Variants in TOR3A observed in about 807,000 individuals in gnomAD.
TOR3A encodes the protein torsin-3A.
TOR3A carries 44 observed loss-of-function variants against 42.1 expected under a neutral mutation model. The observed-to-expected ratio is 1.04, with a 90% CI of 0.82 to 1.34. The LOEUF (loss-of-function observed/expected upper bound fraction) is 1.34. TOR3A is among the 40% of genes most tolerant of loss of function. TOR3A has a pLI of 0.00. For synonymous variants in TOR3A, 227 were observed against 213.2 expected (o/e 1.06, Z -0.57); for missense variants, 521 against 507.6 (o/e 1.03, Z -0.25).
intron 4 of TOR3A, among the ~76,000 whole-genome samples, chr1:179,089,069 G>A (rs898130824): frequency 6.6e-6 from 1 of 152,174 alleles, no homozygotes; most frequent in Admixed American, 6.5e-5. Flanking sequence ...GTGGAGGGGT[G>A]AAGGGTTGAG....
chr1:179,085,079 AAGGGTGATTCC>A (rs1439438367), intron 2 of TOR3A, among the ~76,000 whole-genome samples: 1 of 152,162 alleles, frequency 6.6e-6, no homozygotes, highest in African/African-American at 2.4e-5. Flanking sequence ...GATCTTTAGG[AAGGGTGATTCC>A]ACTCTCCCTG....
rs1652334481 is a variant in TOR3A at position 179,082,951 on chromosome 1, C to T, written c.271C>T (p.Pro91Ser). The T allele has an allele frequency of 1.3e-6, 2 of 1,573,988 alleles. No individual in the cohort carries two copies. Among genetic ancestry groups the T allele is most frequent in the African/African-American group, 1.4e-5 (1 of 73,880 alleles). The change falls in exon 2 of 6, where the codon CCT (proline) becomes TCT (serine). Residue 91 changes from proline (P) to serine (S), a missense_variant. Pro to Ser is a moderately conservative substitution (Grantham distance 74, BLOSUM62 -1). Coordinates refer to ENST00000367627, the MANE Select transcript of TOR3A (RefSeq NM_022371.4). ...TCCTCCTTTTCCAGGCTGGCGCCTT[C>T]CTCTGTTGGGCCAGCGGTACCTGGA... ...AATGPLGWRL[P>S]LLGQRYLDLL... is the part of the protein sequence containing the mutation.
rs1389338396 is a variant in TOR3A at position 179,095,277 on chromosome 1, G to A, written c.*59G>A. ...TTCCACTAACAGGACCCTGGGACCT[G>A]TAGGAGCACCCCGTTTGGGACTGTG... On this transcript the variant is annotated 3_prime_UTR_variant, in exon 6 of 6. Coordinates refer to ENST00000367627, the MANE Select transcript of TOR3A (RefSeq NM_022371.4). 2.5e-6 allele frequency: 4 copies of A among 1,602,488 alleles called. No homozygotes were observed. In the African/African-American group the frequency reaches 5.4e-5, roughly 21 times the overall value.
At chr1:179,094,450 G>A (rs541898167) in intron 5 of TOR3A, among the ~76,000 whole-genome samples, 16 of 152,322 alleles carry the variant, frequency 1.1e-4, no homozygotes, top group South Asian at 1.0e-3. Context: ...AAGAACAGGC[G>A]CAGTGGTCTC....
rs1014490243 is a variant in TOR3A, at chr1:179,095,935, G to A, written c.*717G>A. ...GGGGGACCTTTTCAAAGACAATAGG[G>A]GGTCTTGACATGTTTGTTGTATGTA... is the stretch of plus-strand genomic sequence containing the variant. On this transcript the variant is annotated 3_prime_UTR_variant, in exon 6 of 6. Transcript: ENST00000367627. 46 of 984,102 alleles carry A rather than the reference G, an allele frequency of 4.7e-5. No homozygotes were observed. The highest frequency in any genetic ancestry group is 5.5e-5 in the Non-Finnish European group (46 of 829,710). 61.0% of individuals were successfully genotyped at this position (984,102 alleles called of 1,614,324 possible).
intron 1 of TOR3A, chr1:179,082,657 C>T (rs1223397709): frequency 1.4e-6 from 1 of 707,476 alleles, no homozygotes; most frequent in Non-Finnish European, 2.6e-6. Flanking sequence ...CAGATTCTCT[C>T]GCACCGCCTG....
At chr1:179,086,182 G>A (rs1382176914) in intron 3 of TOR3A, among the ~76,000 whole-genome samples, 1 of 152,220 alleles carries the variant, frequency 6.6e-6, no homozygotes, top group Admixed American at 6.5e-5. Context: ...TAGAAGTAGT[G>A]AAATGTCACA....
At chr1:179,085,530 A>C in intron 2 of TOR3A, 98 bp from the exon 3 acceptor site, 2 of 1,479,154 alleles carry the variant, frequency 1.4e-6, no homozygotes, top group African/African-American at 1.4e-5. Flanking sequence ...ATTCCACCCG[A>C]GAGAGATTCA....
chr1:179,082,101 C>T lies in TOR3A; in HGVS notation c.-28C>T. The T allele has an allele frequency of 1.4e-6, 2 of 1,441,526 alleles. No individual in the cohort carries two copies. The highest frequency in any genetic ancestry group is 1.5e-5 in the South Asian group (1 of 68,856). 89.3% of individuals were successfully genotyped at this position (1,441,526 alleles called of 1,614,324 possible). On this transcript the variant is annotated 5_prime_UTR_variant, in exon 1 of 6. Transcript: ENST00000367627. ...AAGGGAGCCTGGCTAGGCCGGCAGCCGGATGGTCCCGCAGCTCGGGGCCGG... is the reference window on the plus strand; with the variant it reads ...AAGGGAGCCTGGCTAGGCCGGCAGCTGGATGGTCCCGCAGCTCGGGGCCGG...
Position 179,095,029 on chromosome 1 carries a change from C to T in TOR3A, c.1005C>T (p.Phe335=), listed in dbSNP as rs137972214. ...KENLIDYFIP[F]LPLEYRHVRL... ...ACCTGATTGACTACTTCATCCCCTTCCTGCCTTTGGAGTACCGTCACGTGA... is the reference window on the plus strand; with the variant it reads ...ACCTGATTGACTACTTCATCCCCTTTCTGCCTTTGGAGTACCGTCACGTGA... Residue 335 remains phenylalanine (F), a synonymous_variant, in exon 6 of 6, where the codon TTC becomes TTT. Coordinates refer to ENST00000367627, the MANE Select transcript of TOR3A (RefSeq NM_022371.4). The T allele has an allele frequency of 9.0e-4, 1,459 of 1,614,234 alleles. 12 individuals carry two copies. The African/African-American group carries it at 0.017, about 19-fold the overall frequency.
At chr1:179,089,533 A>G (rs1229029519) in intron 4 of TOR3A, among the ~76,000 whole-genome samples, 1 of 151,402 alleles carries the variant, frequency 6.6e-6, no homozygotes, top group African/African-American at 2.4e-5. Flanking sequence ...AGGTGAGGAC[A>G]ATACATTCTT....
At chr1:179,090,600 T>G (rs1451963902) in intron 4 of TOR3A, among the ~76,000 whole-genome samples, 2 of 152,210 alleles carry the variant, frequency 1.3e-5, no homozygotes, top group East Asian at 3.9e-4. Context: ...TGCCAGTGGC[T>G]TTGCTGGCTT....
Position 179,095,288 on chromosome 1 carries a change from C to A in TOR3A, c.*70C>A. The A allele has an allele frequency of 6.3e-7, 1 of 1,591,178 alleles. No homozygotes were observed. Among genetic ancestry groups the A allele is most frequent in the Non-Finnish European group, 8.5e-7 (1 of 1,169,712 alleles). The stretch of plus-strand genomic sequence containing the variant: ...GGACCCTGGGACCTGTAGGAGCACC[C>A]CGTTTGGGACTGTGAGGTGTTTGAG... On this transcript the variant is annotated 3_prime_UTR_variant, in exon 6 of 6. Transcript: ENST00000367627.
At chr1:179,092,946 A>G (rs986046350) in intron 4 of TOR3A, among the ~76,000 whole-genome samples, 2 of 152,100 alleles carry the variant, frequency 1.3e-5, no homozygotes, top group African/African-American at 2.4e-5. Flanking sequence ...TGGAGGCTGC[A>G]GTGAGCCAAA....
intron 4 of TOR3A, among the ~76,000 whole-genome samples, chr1:179,089,060 T>C (rs1216439925): frequency 2.0e-5 from 3 of 151,682 alleles, no homozygotes; most frequent in Non-Finnish European, 2.9e-5. Context: ...TTGGGGAGTG[T>C]GGAGGGGTGA....
chr1:179,095,963 G>C lies in TOR3A; in HGVS notation c.*745G>C, dbSNP rs1248278024. On this transcript the variant is annotated 3_prime_UTR_variant, in exon 6 of 6. Transcript: ENST00000367627. ...TCTTGACATGTTTGTTGTATGTAAAGATGATAAGATTAAAATTTTTGATTT... is the reference window on the plus strand; with the variant it reads ...TCTTGACATGTTTGTTGTATGTAAACATGATAAGATTAAAATTTTTGATTT... The C allele has an allele frequency of 1.0e-6, 1 of 985,162 alleles. No individual in the cohort carries two copies. The highest frequency in any genetic ancestry group is 1.2e-6 in the Non-Finnish European group (1 of 829,896). The allele number at this position is 985,162 out of a possible 1,614,324, so 61.0% of individuals were successfully genotyped here.
chr1:179,084,695 A>G (rs1336432090), intron 2 of TOR3A, among the ~76,000 whole-genome samples: 3 of 152,216 alleles, frequency 2.0e-5, no homozygotes, highest in Non-Finnish European at 4.4e-5. Flanking sequence ...ATGTTTTATC[A>G]TAGACCTTGA....
At chr1:179,093,453 C>T (rs1652649377) in intron 4 of TOR3A, among the ~76,000 whole-genome samples, 1 of 152,224 alleles carries the variant, frequency 6.6e-6, no homozygotes, top group African/African-American at 2.4e-5. Context: ...CTTTGATGAC[C>T]TCCTTTCACT....
Position 179,093,754 on chromosome 1 carries a change from C to T in TOR3A, c.819-339C>T, listed in dbSNP as rs114162404. Among the ~76,000 whole-genome samples, 1,308 of 152,312 alleles carry T rather than the reference C, an allele frequency of 8.6e-3. 10 individuals carry two copies. Among genetic ancestry groups the T allele is most frequent in the Middle Eastern group, 0.037 (11 of 294 alleles). On this transcript the variant is annotated intron_variant, in intron 4 of 5. Coordinates refer to ENST00000367627, the MANE Select transcript of TOR3A (RefSeq NM_022371.4). ...TAGAACTCAGTCACTCCTCCATTAGCGCTTGCCACACTGTCCTGGAACCGA... is the reference window on the plus strand; with the variant it reads ...TAGAACTCAGTCACTCCTCCATTAGTGCTTGCCACACTGTCCTGGAACCGA...
Sources: gnomAD v4.1 joint callset for allele counts (sites outside exome capture counted in the v4.1 genomes callset) on GRCh38, gnomAD v4.1.1 for gene constraint, MANE v1.5 for transcripts, NCBI Gene and HGNC (gene_info 2026-07-23, HGNC 2026-07-21) for gene names.